Variants in BCHE observed in about 807,000 individuals in gnomAD.
BCHE encodes the protein cholinesterase.
Under a neutral mutation model 51.3 loss-of-function variants are expected in BCHE, and 48 were observed. The observed-to-expected ratio is 0.94, with a 90% CI of 0.74 to 1.19. BCHE has a LOEUF of 1.19. Ranked by LOEUF, BCHE falls within the 50% of genes most tolerant of loss-of-function variation. The pLI is 0.00. For missense variants in BCHE, 847 were observed against 708.2 expected, an observed-to-expected ratio of 1.20 and a Z score of -2.23; for synonymous variants, 251 against 238.0, an observed-to-expected ratio of 1.05 and a Z score of -0.50.
chr3:165,805,639 G>A (rs988208382), intron 2 of BCHE, among the ~76,000 whole-genome samples: 5 of 152,136 alleles, frequency 3.3e-5, no homozygotes, highest in African/African-American at 1.2e-4. Context: ...ATGGATGATA[G>A]CAATAACCTA....
At chr3:165,781,207 C>T (rs944344490) in intron 3 of BCHE, among the ~76,000 whole-genome samples, 10 of 152,038 alleles carry the variant, frequency 6.6e-5, no homozygotes, top group Non-Finnish European at 1.2e-4. Flanking sequence ...GCCAAGATCA[C>T]GTCATTGCAC....
chr3:165,823,109 C>T (rs1406627694), intron 2 of BCHE, among the ~76,000 whole-genome samples: 1 of 152,084 alleles, frequency 6.6e-6, no homozygotes, highest in East Asian at 1.9e-4. Context: ...GGTAGCAATT[C>T]CAGTTAGCAA....
intron 2 of BCHE, among the ~76,000 whole-genome samples, chr3:165,790,813 G>C (rs78545968): frequency 1.9e-3 from 262 of 137,386 alleles, no homozygotes; most frequent in African/African-American, 6.2e-3. Flanking sequence ...AGAAAAACAC[G>C]TGCTTAGAGT....
At chr3:165,806,951 G>A (rs1202646134) in intron 2 of BCHE, among the ~76,000 whole-genome samples, 1 of 151,864 alleles carries the variant, frequency 6.6e-6, no homozygotes, top group Non-Finnish European at 1.5e-5. Context: ...GTCTTTAGGA[G>A]GTTATGTTAA....
chr3:165,817,443 C>G (rs966110984), intron 2 of BCHE, among the ~76,000 whole-genome samples: 1 of 152,096 alleles, frequency 6.6e-6, no homozygotes, highest in Non-Finnish European at 1.5e-5. Context: ...GAAACTCATC[C>G]AAGCTTCAAA....
chr3:165,815,480 A>G (rs1714279426), intron 2 of BCHE, among the ~76,000 whole-genome samples: 1 of 152,130 alleles, frequency 6.6e-6, no homozygotes, highest in South Asian at 2.1e-4. Context: ...GTTGAGGATG[A>G]TGATACTTCT....
chr3:165,798,993 GATA>G (rs1350506210), intron 2 of BCHE, among the ~76,000 whole-genome samples: 1 of 152,030 alleles, frequency 6.6e-6, no homozygotes, highest in Non-Finnish European at 1.5e-5. Flanking sequence ...CAGTTTTTAG[GATA>G]ATATCTGTGG....
chr3:165,820,616 T>C (rs1388385195), intron 2 of BCHE, among the ~76,000 whole-genome samples: 1 of 152,032 alleles, frequency 6.6e-6, no homozygotes, highest in African/African-American at 2.4e-5. Context: ...CCACAAATAA[T>C]TGTAGAATCA....
At chr3:165,822,882 A>G (rs143498929) in intron 2 of BCHE, among the ~76,000 whole-genome samples, 2 of 152,138 alleles carry the variant, frequency 1.3e-5, no homozygotes, top group East Asian at 3.9e-4. Context: ...TATTGACAAC[A>G]TTTCATTAAG....
chr3:165,826,278 G>A (rs571812478), intron 2 of BCHE, among the ~76,000 whole-genome samples: 4 of 152,158 alleles, frequency 2.6e-5, no homozygotes, highest in African/African-American at 9.6e-5. Flanking sequence ...ACAAGTAGTG[G>A]TACAATCATC....
intron 2 of BCHE, among the ~76,000 whole-genome samples, chr3:165,829,033 C>G (rs1287728301): frequency 6.6e-6 from 1 of 152,000 alleles, no homozygotes; most frequent in Non-Finnish European, 1.5e-5. Context: ...TTTGGGTAAA[C>G]TGAGGGCCAA....
chr3:165,776,961 C>G (rs1040451559), intron 3 of BCHE, among the ~76,000 whole-genome samples: 11 of 150,790 alleles, frequency 7.3e-5, no homozygotes, highest in African/African-American at 2.7e-4. Flanking sequence ...ATGTAAAATA[C>G]GGTAATATAG....
Position 165,773,176 on chromosome 3 carries a change from T to G in BCHE, c.*206A>C. The stretch of plus-strand genomic sequence containing the variant: ...TAATTAACTGTAGAACTTTATATTG[T>G]GAAATTTAATTAAACACGTTCTAGC... On this transcript the variant is annotated 3_prime_UTR_variant, in exon 4 of 4. Transcript: ENST00000264381. The G allele has an allele frequency of 2.1e-6, 1 of 484,440 alleles. No homozygotes were observed. Among genetic ancestry groups the G allele is most frequent in the Non-Finnish European group, 3.6e-6 (1 of 273,992 alleles). The allele number at this position is 484,440 out of a possible 1,614,324, so 30.0% of individuals were successfully genotyped here. A position where few individuals can be genotyped will look rare whatever the true frequency, so the allele number is the denominator to read the frequency against.
chr3:165,808,012 C>T (rs2108219179), intron 2 of BCHE, among the ~76,000 whole-genome samples: 1 of 151,936 alleles, frequency 6.6e-6, no homozygotes, highest in African/African-American at 2.4e-5. Flanking sequence ...GAGACAGAGT[C>T]TCGCTCTGTC....
intron 3 of BCHE, chr3:165,778,720 C>G (rs1712568396): frequency 2.2e-6 from 1 of 453,214 alleles, no homozygotes. Context: ...TCCTGGCTCA[C>G]AGTAGCAGCA....
rs556802485 is a variant in BCHE at position 165,828,678 on chromosome 3, G to C, written c.1517+839C>G. ...TATTTTTTTTAAATTATTCACATTG[G>C]TGCAATTTACTCCCATGTATAAAAT... On this transcript the variant is annotated intron_variant, in intron 2 of 3. Coordinates refer to ENST00000264381, the MANE Select transcript of BCHE (RefSeq NM_000055.4). Among the ~76,000 whole-genome samples the C allele has an allele frequency of 2.6e-5, 4 of 151,272 alleles. No individual in the cohort carries two copies. The East Asian group carries it at 7.8e-4, about 29-fold the overall frequency.
intron 2 of BCHE, among the ~76,000 whole-genome samples, chr3:165,799,331 C>T (rs1713551692): frequency 6.6e-6 from 1 of 152,018 alleles, no homozygotes; most frequent in Non-Finnish European, 1.5e-5. Context: ...ACCTACACTC[C>T]TGCCTAGCAG....
intron 2 of BCHE, among the ~76,000 whole-genome samples, chr3:165,814,687 T>C (rs1427463541): frequency 6.6e-6 from 1 of 152,066 alleles, no homozygotes; most frequent in African/African-American, 2.4e-5. Context: ...TCTAAACTTA[T>C]GTCTGACATA....
rs556782981 is a variant in BCHE, at chr3:165,800,548, T to G, written c.1518-14237A>C. ...ATAAATTTAAATTCTCCCTATGACA[T>G]AATTTTAATTGTACTTGACACCAGA... On this transcript the variant is annotated intron_variant, in intron 2 of 3. Coordinates refer to ENST00000264381, the MANE Select transcript of BCHE (RefSeq NM_000055.4). Among the ~76,000 whole-genome samples the G allele has an allele frequency of 2.6e-5, 4 of 152,276 alleles. No individual in the cohort carries two copies. In the East Asian group the frequency reaches 7.7e-4, roughly 29 times the overall value.
Sources: gnomAD v4.1 joint callset for allele counts (sites outside exome capture counted in the v4.1 genomes callset) on GRCh38, gnomAD v4.1.1 for gene constraint, MANE v1.5 for transcripts, NCBI Gene and HGNC (gene_info 2026-07-23, HGNC 2026-07-21) for gene names.